CDKAL1: variants seen among roughly 807,000 people sequenced by gnomAD.
CDKAL1 encodes the protein CDKAL1 threonylcarbamoyladenosine tRNA methylthiotransferase.
Under a neutral mutation model 68.2 loss-of-function variants are expected in CDKAL1, and 32 were observed. That is an observed-to-expected ratio of 0.47 (90% CI 0.35 to 0.63). The LOEUF (loss-of-function observed/expected upper bound fraction) is 0.63. Among genes scored for constraint, CDKAL1 ranks in the 30% least tolerant of loss-of-function variants. CDKAL1 has a pLI of 0.00. For synonymous variants in CDKAL1, 234 were observed against 244.3 expected (o/e 0.96, Z 0.39); for missense variants, 606 against 696.7 (o/e 0.87, Z 1.47).
chr6:20,622,134 T>A lies in CDKAL1; in HGVS notation c.287-27159T>A, dbSNP rs540898836. ...ATTTTAAGAACACTTTTTAAGTTTA[T>A]GGCAGCTTTATTCTTTACCTTTTTC... On this transcript the variant is annotated intron_variant, in intron 4 of 15. Transcript: ENST00000274695. Among the ~76,000 whole-genome samples the A allele has an allele frequency of 1.8e-3, 274 of 152,282 alleles. 1 individual carries two copies. The highest frequency in any genetic ancestry group is 6.2e-3 in the African/African-American group (258 of 41,578).
intron 4 of CDKAL1, among the ~76,000 whole-genome samples, chr6:20,557,858 C>T (rs138446260): frequency 0.011 from 1,671 of 152,176 alleles, 30 homozygotes; most frequent in African/African-American, 0.036. Context: ...ACCTGGGAGG[C>T]GGAGGTTCCA....
chr6:21,104,898 A>T (rs1363820714), intron 12 of CDKAL1, among the ~76,000 whole-genome samples: 2 of 152,264 alleles, frequency 1.3e-5, no homozygotes, highest in Non-Finnish European at 2.9e-5. Flanking sequence ...CAACTTCTGA[A>T]TATTCCTTTT....
intron 5 of CDKAL1, among the ~76,000 whole-genome samples, chr6:20,672,293 T>C (rs1769877362): frequency 6.8e-6 from 1 of 147,164 alleles, no homozygotes; most frequent in East Asian, 2.0e-4. Flanking sequence ...TCTCTCTCTC[T>C]CTCTCCCTCT....
chr6:20,980,023 G>T (rs1241773190), intron 10 of CDKAL1, among the ~76,000 whole-genome samples: 1 of 151,778 alleles, frequency 6.6e-6, no homozygotes, highest in East Asian at 1.9e-4. Context: ...CCACCCTCCT[G>T]AGCCTCCAAA....
At chr6:20,902,936 G>A (rs1018694995) in intron 9 of CDKAL1, among the ~76,000 whole-genome samples, 2 of 152,062 alleles carry the variant, frequency 1.3e-5, no homozygotes, top group East Asian at 3.9e-4. Context: ...TAAGTAGTAA[G>A]TCATTTTTCT....
In CDKAL1 at chr6:21,017,153, C is replaced by T. The variant is rs148318714; in HGVS notation, c.1055+16781C>T. Among the ~76,000 whole-genome samples, 663 of 152,280 alleles carry T rather than the reference C, an allele frequency of 4.4e-3. 22 individuals carry two copies. The highest frequency in any genetic ancestry group is 0.04 in the Admixed American group (605 of 15,298). On this transcript the variant is annotated intron_variant, in intron 11 of 15. Transcript: ENST00000274695. Reference sequence around the variant, plus strand: ...CCATTATGGCACATACCACATTGCTCTATTTGATTGCATGCATATGTCCTC... The same window carrying T: ...CCATTATGGCACATACCACATTGCTTTATTTGATTGCATGCATATGTCCTC...
At chr6:21,026,992 C>A (rs1202542537) in intron 11 of CDKAL1, among the ~76,000 whole-genome samples, 1 of 152,124 alleles carries the variant, frequency 6.6e-6, no homozygotes, top group Non-Finnish European at 1.5e-5. Flanking sequence ...AATCTTCTGG[C>A]TTCTACCTGC....
chr6:21,126,558 T>A (rs1345243233), intron 13 of CDKAL1, among the ~76,000 whole-genome samples: 2 of 152,202 alleles, frequency 1.3e-5, no homozygotes, highest in Non-Finnish European at 2.9e-5. Context: ...TCTGTAAACT[T>A]CACCACTTGC....
At chr6:21,215,605 G>A (rs2328572) in intron 15 of CDKAL1, among the ~76,000 whole-genome samples, 10,853 of 152,210 alleles carry the variant, frequency 0.071, 829 homozygotes, top group African/African-American at 0.2. Context: ...GTGAGTTGTA[G>A]AGCTGGAAGG....
chr6:20,566,886 A>G (rs550085279), intron 4 of CDKAL1, among the ~76,000 whole-genome samples: 4 of 152,306 alleles, frequency 2.6e-5, no homozygotes, highest in Admixed American at 2.0e-4. Context: ...TAAAAATTCC[A>G]TAGAAGGAAA....
intron 13 of CDKAL1, among the ~76,000 whole-genome samples, chr6:21,183,723 A>G (rs1361252164): frequency 6.6e-6 from 1 of 152,204 alleles, no homozygotes; most frequent in Non-Finnish European, 1.5e-5. Context: ...GTTACCAACA[A>G]TAATCTAACT....
chr6:21,060,476 T>G (rs1582118001), intron 11 of CDKAL1, among the ~76,000 whole-genome samples: 1 of 152,130 alleles, frequency 6.6e-6, no homozygotes, highest in Non-Finnish European at 1.5e-5. Flanking sequence ...TTGACTTTTT[T>G]CAAAGATGTA....
chr6:20,609,429 T>G (rs1005895927), intron 4 of CDKAL1, among the ~76,000 whole-genome samples: 6 of 145,898 alleles, frequency 4.1e-5, no homozygotes, highest in African/African-American at 7.6e-5. Flanking sequence ...GGAATCTCAC[T>G]CTGTCACCCA....
At chr6:20,599,281 T>C in intron 4 of CDKAL1, 1 of 423,140 alleles carries the variant, frequency 2.4e-6, no homozygotes, top group Non-Finnish European at 4.7e-6. Context: ...TAATAAGTGT[T>C]AGATGTCAGA....
intron 4 of CDKAL1, among the ~76,000 whole-genome samples, chr6:20,566,109 T>G (rs759225644): frequency 6.6e-6 from 1 of 152,108 alleles, no homozygotes; most frequent in Non-Finnish European, 1.5e-5. Flanking sequence ...AATTCCAATT[T>G]TGGGTAGGTA....
intron 4 of CDKAL1, among the ~76,000 whole-genome samples, chr6:20,587,888 G>C (rs1581773661): frequency 6.6e-6 from 1 of 152,058 alleles, no homozygotes; most frequent in South Asian, 2.1e-4. Flanking sequence ...TTGAGCCCAG[G>C]AGTTCGAGAC....
intron 4 of CDKAL1, among the ~76,000 whole-genome samples, chr6:20,557,637 C>T (rs1214982103): frequency 2.6e-5 from 4 of 151,942 alleles, no homozygotes; most frequent in Non-Finnish European, 5.9e-5. Context: ...AAAGTACATC[C>T]TTAACATGGC....
chr6:20,617,953 A>C (rs1766997508), intron 4 of CDKAL1, among the ~76,000 whole-genome samples: 1 of 152,170 alleles, frequency 6.6e-6, no homozygotes, highest in African/African-American at 2.4e-5. Context: ...TCGCTGGGTC[A>C]AACAATATCT....
At chr6:20,793,089 C>G (rs1384444981) in intron 8 of CDKAL1, among the ~76,000 whole-genome samples, 3 of 152,170 alleles carry the variant, frequency 2.0e-5, no homozygotes, top group Non-Finnish European at 4.4e-5. Flanking sequence ...AGAATTCTGT[C>G]ACTAGCATCA....
Sources: allele counts gnomAD v4.1 joint callset (sites outside exome capture counted in the v4.1 genomes callset), GRCh38; gene constraint gnomAD v4.1.1; transcripts MANE v1.5; gene names NCBI Gene and HGNC (gene_info 2026-07-23, HGNC 2026-07-21).